The following MTCH1 variants were observed in gnomAD, a reference collection of about 807,000 sequenced individuals.
MTCH1 encodes mitochondrial carrier homolog 1.
In MTCH1, 23 loss-of-function variants were observed where a neutral mutation model predicts 49.3. The ratio of observed to expected loss-of-function variants is 0.47; its 90% CI spans 0.34 to 0.66. The LOEUF (loss-of-function observed/expected upper bound fraction) is 0.66, where lower values mean the gene tolerates loss of function less well. Among genes scored for constraint, MTCH1 ranks in the 30% least tolerant of loss-of-function variants. The probability of loss-of-function intolerance (pLI) is 0.01; values close to 1 mark genes in which losing one functional copy is unlikely to be tolerated. For missense variants in MTCH1, 397 were observed against 532.1 expected (o/e 0.75, Z 2.50); for synonymous variants, 229 against 215.2 (o/e 1.06, Z -0.56).
intron 7 of MTCH1, among the ~76,000 whole-genome samples, chr6:36,974,947 T>A (rs1214934877): frequency 1.3e-5 from 2 of 152,212 alleles, no homozygotes. Context: ...ATACAACTCA[T>A]CAAGCCTGGC....
chr6:36,986,083 C>G lies in MTCH1; in HGVS notation c.91G>C (p.Gly31Arg). 1 of 1,430,662 alleles carries G rather than the reference C, an allele frequency of 7.0e-7. No homozygotes were observed. The highest frequency in any genetic ancestry group is 1.5e-5 in the African/African-American group (1 of 66,680). 88.6% of individuals were successfully genotyped at this position (1,430,662 alleles called of 1,614,324 possible). The change falls in exon 1 of 12, where the codon GGA becomes CGA. Residue 31 changes from glycine to arginine, a missense_variant. Around this residue, in one of 2 missense-constraint regions of MTCH1, gnomAD observed 145 missense variants for 143.8 expected, o/e 1.01. Transcript: ENST00000373627. The part of the protein sequence containing the change: ...GAGAGAGARG[G>R]AAAGVEARAR... ...CGAGCCTCGACCCCCGCCGCCGCTC[C>G]GCCGCGAGCTCCGGCTCCAGCTCCG...
rs915031632 is a variant in MTCH1, at chr6:36,982,802, C to T, written c.322-1130G>A. Among the ~76,000 whole-genome samples the T allele has an allele frequency of 6.6e-6, 1 of 152,230 alleles. No individual in the cohort carries two copies. The highest frequency in any genetic ancestry group is 2.1e-4 in the South Asian group (1 of 4,826). On this transcript the variant is annotated intron_variant, in intron 1 of 11. Coordinates refer to ENST00000373627, the MANE Select transcript of MTCH1 (RefSeq NM_001271641.2). This position sits in a 1 kb window ranked among gnomAD's most constrained non-coding sequence, Gnocchi z 4.1. Reference sequence around the variant, plus strand: ...TGCTGCCAGGGAGGAGGCAAGGTGTCAAGGAGACCAGCACCTAGGTGGGGA... The same window carrying T: ...TGCTGCCAGGGAGGAGGCAAGGTGTTAAGGAGACCAGCACCTAGGTGGGGA...
chr6:36,974,040 C>T (rs17624546), intron 7 of MTCH1, among the ~76,000 whole-genome samples: 19,179 of 152,174 alleles, frequency 0.13, 1,349 homozygotes, highest in South Asian at 0.18. Context: ...AAGGTCTAGG[C>T]GGTGACATAC....
intron 11 of MTCH1, 64 bp from the exon 12 acceptor site, chr6:36,969,038 G>T: frequency 6.3e-7 from 1 of 1,587,172 alleles, no homozygotes; most frequent in Non-Finnish European, 8.6e-7. Flanking sequence ...CCTCCGAGAG[G>T]AAGGCCAGTG....
At position 36,972,495 on chromosome 6, in the gene MTCH1, C is replaced by T. The variant is rs1157971365; in HGVS notation, c.906+157G>A. On this transcript the variant is annotated intron_variant, in intron 8 of 11. Coordinates refer to ENST00000373627, the MANE Select transcript of MTCH1 (RefSeq NM_001271641.2). The surrounding 1 kb of genome is among the most constrained non-coding windows in gnomAD (Gnocchi z 4.1). ...TAATCTGGAATCTCGCCTCTTGAGG[C>T]CGTTCTCCCCTTAGACAAAGATGAC... Among the ~76,000 whole-genome samples, 1 of 152,080 alleles carries T rather than the reference C, an allele frequency of 6.6e-6. No homozygotes were observed. Among genetic ancestry groups the T allele is most frequent in the African/African-American group, 2.4e-5 (1 of 41,386 alleles).
chr6:36,981,085 T>C (rs549051695), intron 2 of MTCH1, among the ~76,000 whole-genome samples: 1 of 152,194 alleles, frequency 6.6e-6, no homozygotes, highest in African/African-American at 2.4e-5. Flanking sequence ...CACCATTCTG[T>C]AACCAACAGA....
Position 36,977,107 on chromosome 6 carries a change from G to A in MTCH1, c.701+92C>T. 2 of 1,387,536 alleles carry A rather than the reference G, an allele frequency of 1.4e-6. No individual in the cohort carries two copies. Among genetic ancestry groups the A allele is most frequent in the African/African-American group, 2.8e-5 (2 of 70,242 alleles). The allele number at this position is 1,387,536 out of a possible 1,614,324, so 86.0% of individuals were successfully genotyped here. A position where few individuals can be genotyped will look rare whatever the true frequency, so the allele number is the denominator to read the frequency against. On this transcript the variant is annotated intron_variant, in intron 6 of 11. Transcript: ENST00000373627. The surrounding 1 kb of genome is among the most constrained non-coding windows in gnomAD (Gnocchi z 5.4). The stretch of plus-strand genomic sequence containing the variant: ...GCTGAACTCACACAGCACTAGGGCA[G>A]AAAAGGTGCAGCAACCAATCCCAGC...
In MTCH1 at chr6:36,986,105, T is replaced by TCCGGCTCCCGCC; in HGVS notation, c.57_68dup (p.Gly25_Ala28dup). The TCCGGCTCCCGCC allele has an allele frequency of 6.9e-7, 1 of 1,439,040 alleles. No individual in the cohort carries two copies. Among genetic ancestry groups the TCCGGCTCCCGCC allele is most frequent in the East Asian group, 3.0e-5 (1 of 32,892 alleles). 89.1% of individuals were successfully genotyped at this position (1,439,040 alleles called of 1,614,324 possible). The stretch of plus-strand genomic sequence containing the variant: ...CTCCGCCGCGAGCTCCGGCTCCAGC[T>TCCGGCTCCCGCC]CCGGCTCCCGCCATCCCCGCGGCAC... On this transcript the variant is annotated inframe_insertion, in exon 1 of 12. Transcript: ENST00000373627.
chr6:36,970,138 T>C (rs1561903197), intron 10 of MTCH1, 24 bp from the exon 11 acceptor site: 2 of 1,611,154 alleles, frequency 1.2e-6, no homozygotes, highest in Non-Finnish European at 1.7e-6. Flanking sequence ...AGAGTGTAGA[T>C]GCAGAGAACA....
intron 1 of MTCH1, among the ~76,000 whole-genome samples, chr6:36,985,102 TC>T (rs920635079): frequency 3.0e-5 from 4 of 134,230 alleles, no homozygotes; most frequent in African/African-American, 8.3e-5. Flanking sequence ...CGTCACCCTG[TC>T]CCCTCCTCCT....
chr6:36,975,108 T>A (rs1433192738), intron 7 of MTCH1, among the ~76,000 whole-genome samples: 2 of 152,264 alleles, frequency 1.3e-5, no homozygotes, highest in African/African-American at 4.8e-5. Flanking sequence ...TCCTGGGTCC[T>A]GGCCGATGGA....
intron 1 of MTCH1, among the ~76,000 whole-genome samples, chr6:36,985,576 G>C (rs1192849880): frequency 6.6e-6 from 1 of 151,658 alleles, no homozygotes; most frequent in African/African-American, 2.4e-5. Context: ...CTCCCTCCTT[G>C]GCACTCCCCC....
Position 36,968,233 on chromosome 6 carries a change from A to G in MTCH1, c.*670T>C, listed in dbSNP as rs955757434. Reference sequence around the variant, plus strand: ...TAGGACTAGAGACACTGATCTGCCCAACCTCTGGGTATTCACAACTGCACA... The same window carrying G: ...TAGGACTAGAGACACTGATCTGCCCGACCTCTGGGTATTCACAACTGCACA... On this transcript the variant is annotated 3_prime_UTR_variant, in exon 12 of 12. Coordinates refer to ENST00000373627, the MANE Select transcript of MTCH1 (RefSeq NM_001271641.2). The G allele has an allele frequency of 4.9e-5, 8 of 161,764 alleles. No homozygotes were observed. The highest frequency in any genetic ancestry group is 1.4e-4 in the African/African-American group (6 of 41,532). The allele number at this position is 161,764 out of a possible 1,614,324, so 10.0% of individuals were successfully genotyped here.
chr6:36,986,229 G>A, upstream of MTCH1: 3 of 1,360,258 alleles, frequency 2.2e-6, no homozygotes, highest in Non-Finnish European at 2.8e-6. Flanking sequence ...CCCCCTCACC[G>A]GCGTCAGGGG....
intron 4 of MTCH1, 74 bp downstream of exon 4, chr6:36,978,004 C>G (rs773150805): frequency 4.5e-6 from 6 of 1,345,426 alleles, no homozygotes; most frequent in Non-Finnish European, 6.4e-6. Flanking sequence ...TGTCAATGAC[C>G]CGCCCAACTT....
At chr6:36,979,421 G>A (rs1199956556) in intron 2 of MTCH1, among the ~76,000 whole-genome samples, 1 of 152,200 alleles carries the variant, frequency 6.6e-6, no homozygotes, top group African/African-American at 2.4e-5. Flanking sequence ...TTATAAACCT[G>A]TGCATCTGGA....
Position 36,968,807 on chromosome 6 carries a change from T to A in MTCH1, c.*96A>T. Reference sequence around the variant, plus strand: ...CCCGGCTGGGCTGGAGCACATCTGGTTGTTGTTGGGTTGGAGTCGTCTTGC... The same window carrying A: ...CCCGGCTGGGCTGGAGCACATCTGGATGTTGTTGGGTTGGAGTCGTCTTGC... On this transcript the variant is annotated 3_prime_UTR_variant, in exon 12 of 12. Coordinates refer to ENST00000373627, the MANE Select transcript of MTCH1 (RefSeq NM_001271641.2). 6.5e-7 allele frequency: 1 copy of A among 1,543,736 alleles called. No individual in the cohort carries two copies. Among genetic ancestry groups the A allele is most frequent in the Non-Finnish European group, 8.9e-7 (1 of 1,123,416 alleles).
At chr6:36,985,573 C>T (rs1442490175) in intron 1 of MTCH1, among the ~76,000 whole-genome samples, 1 of 152,074 alleles carries the variant, frequency 6.6e-6, no homozygotes, top group African/African-American at 2.4e-5. Flanking sequence ...TCGCTCCCTC[C>T]TTGGCACTCC....
At position 36,982,247 on chromosome 6, in the gene MTCH1, T is replaced by A. The variant is rs542478467; in HGVS notation, c.322-575A>T. The stretch of plus-strand genomic sequence containing the variant: ...AACTGTTACCTCAAATTCCAGCTAC[T>A]CCTCAAACATATCCTTAGCTGCGTT... On this transcript the variant is annotated intron_variant, in intron 1 of 11. Coordinates refer to ENST00000373627, the MANE Select transcript of MTCH1 (RefSeq NM_001271641.2). The surrounding 1 kb of genome is among the most constrained non-coding windows in gnomAD (Gnocchi z 4.1). Among the ~76,000 whole-genome samples the A allele has an allele frequency of 1.8e-4, 27 of 152,276 alleles. No homozygotes were observed. The highest frequency in any genetic ancestry group is 3.4e-3 in the Middle Eastern group (1 of 294).
Sources: allele counts gnomAD v4.1 joint callset (sites outside exome capture counted in the v4.1 genomes callset), GRCh38; gene constraint gnomAD v4.1.1; regional missense constraint gnomAD v4.1.1; non-coding constraint Gnocchi (gnomAD v3.1); transcripts MANE v1.5; gene names NCBI Gene and HGNC (gene_info 2026-07-23, HGNC 2026-07-21).